The following CTC1 variants were observed in gnomAD, a reference collection of about 807,000 sequenced individuals.
CTC1 encodes the protein CST complex subunit CTC1.
In CTC1, 91 loss-of-function variants were observed where a neutral mutation model predicts 136.3. The ratio of observed to expected loss-of-function variants is 0.67; its 90% CI spans 0.56 to 0.79. CTC1 has a LOEUF of 0.79. Ranked by LOEUF, CTC1 falls within the 30% of genes least tolerant of loss-of-function variation. The probability of loss-of-function intolerance (pLI) is 0.00; values close to 1 mark genes in which losing one functional copy is unlikely to be tolerated. For missense variants in CTC1, 1,432 were observed against 1,498.1 expected, an observed-to-expected ratio of 0.96 and a Z score of 0.73; for synonymous variants, 606 against 613.8, an observed-to-expected ratio of 0.99 and a Z score of 0.19.
chr17:8,231,305 T>C lies in CTC1; in HGVS notation c.2640A>G (p.Glu880=), dbSNP rs1987201199. ...DVLDANKSLP[E]SSLTDLLSDN... ...CACTGAGCAGGTCGGTCAGTGAGGATTCAGGCAATGACTTGTTTGCATCCA... is the reference window on the plus strand; with the variant it reads ...CACTGAGCAGGTCGGTCAGTGAGGACTCAGGCAATGACTTGTTTGCATCCA... Residue 880 remains glutamate, a synonymous_variant, in exon 15 of 23, where the codon GAA becomes GAG. Coordinates refer to ENST00000651323, the MANE Select transcript of CTC1 (RefSeq NM_025099.6). 1 of 1,593,150 alleles carries C rather than the reference T, an allele frequency of 6.3e-7. No homozygotes were observed. Among genetic ancestry groups the C allele is most frequent in the African/African-American group, 1.3e-5 (1 of 74,574 alleles).
At chr17:8,246,886 C>CA (rs1988763846) in intron 1 of CTC1, among the ~76,000 whole-genome samples, 2 of 150,156 alleles carry the variant, frequency 1.3e-5, no homozygotes, top group Admixed American at 1.3e-4. Flanking sequence ...AGCCTGGTGA[C>CA]AAAGCTAGAC....
At chr17:8,232,762 C>T in intron 11 of CTC1, 144 bp downstream of exon 11, 1 of 1,093,632 alleles carries the variant, frequency 9.1e-7, no homozygotes, top group Non-Finnish European at 1.3e-6. Context: ...CTCTGCCTGC[C>T]ATACAAGTCT....
In CTC1 at chr17:8,226,613, A is replaced by C. The variant is rs1455862293; in HGVS notation, c.*1567T>G. ...TATGCTGAAGAAAAAAATATGACGT[A>C]GTCGGCAGGATTCGAACCTGCGCGG... On this transcript the variant is annotated 3_prime_UTR_variant, in exon 23 of 23. Coordinates refer to ENST00000651323, the MANE Select transcript of CTC1 (RefSeq NM_025099.6). 6.6e-6 allele frequency: 1 copy of C among 151,858 alleles called. No homozygotes were observed. The highest frequency in any genetic ancestry group is 1.5e-5 in the Non-Finnish European group (1 of 68,038). The allele number at this position is 151,858 out of a possible 1,614,324, so 9.4% of individuals were successfully genotyped here. A position where few individuals can be genotyped will look rare whatever the true frequency, so the allele number is the denominator to read the frequency against.
At chr17:8,230,700 G>C (rs1360613083) in intron 15 of CTC1, 49 bp from the exon 16 acceptor site, 2 of 1,487,474 alleles carry the variant, frequency 1.3e-6, no homozygotes, top group East Asian at 2.3e-5. Context: ...AGAAAGCACA[G>C]AGTGGAGACA....
rs1467172075 is a variant in CTC1 at position 8,236,147 on chromosome 17, C to A, written c.988G>T (p.Asp330Tyr). Reference protein sequence around the residue: ...LELEGPLLEADPKPLPMPSNS... With the variant: ...LELEGPLLEAYPKPLPMPSNS... ...CTGGGCATGGGGAGTGGCTTGGGGT[C>A]AGCCTCTAAGAGGGGTCCTTCCAGC... Residue 330 changes from aspartate to tyrosine, a missense_variant, in exon 6 of 23, where the codon GAC (aspartate) becomes TAC (tyrosine). Transcript: ENST00000651323. 1.2e-6 allele frequency: 2 copies of A among 1,614,194 alleles called. No homozygotes were observed. Among genetic ancestry groups the A allele is most frequent in the Non-Finnish European group, 1.7e-6 (2 of 1,180,026 alleles).
chr17:8,238,889 G>A (rs1987980336), intron 2 of CTC1, among the ~76,000 whole-genome samples: 1 of 152,026 alleles, frequency 6.6e-6, no homozygotes, highest in Non-Finnish European at 1.5e-5. Context: ...TCAGGAGTTT[G>A]AGACCAGCCC....
chr17:8,244,930 T>C (rs1441739698), intron 1 of CTC1, among the ~76,000 whole-genome samples: 1 of 152,094 alleles, frequency 6.6e-6, no homozygotes, highest in African/African-American at 2.4e-5. Flanking sequence ...ATAAAGAAAA[T>C]GTGGTACATA....
At chr17:8,233,238 C>A (rs529432449) in intron 10 of CTC1, 1 of 562,510 alleles carries the variant, frequency 1.8e-6, no homozygotes, top group Middle Eastern at 4.9e-4. Context: ...GAAGAGAAAG[C>A]GCACAAATAG....
chr17:8,234,078 A>G (rs1187893132), intron 10 of CTC1, among the ~76,000 whole-genome samples: 1 of 152,040 alleles, frequency 6.6e-6, no homozygotes, highest in African/African-American at 2.4e-5. Context: ...TTGATCTCTC[A>G]GGCTCAAGCA....
chr17:8,234,713 G>C, intron 9 of CTC1, 36 bp downstream of exon 9: 1 of 1,582,604 alleles, frequency 6.3e-7, no homozygotes. Flanking sequence ...GTGTCCTCCA[G>C]TGTTCTGCCA....
In CTC1 at chr17:8,238,579, C is replaced by G. The variant is rs78870822; in HGVS notation, c.248G>C (p.Ser83Thr). Reference sequence around the variant, plus strand: ...TGCACTACTGCTCCACGACAGGTGGCTGCAGCATGGGAGACGCTGGTGAGT... The same window carrying G: ...TGCACTACTGCTCCACGACAGGTGGGTGCAGCATGGGAGACGCTGGTGAGT... ...LKTHQRLPCC[S>T]HLSWSSSAYQ... Residue 83 changes from serine (S) to threonine (T), a missense_variant, in exon 3 of 23, where the codon AGC becomes ACC. Coordinates refer to ENST00000651323, the MANE Select transcript of CTC1 (RefSeq NM_025099.6). 12,431 of 1,613,822 alleles carry G rather than the reference C, an allele frequency of 7.7e-3. 92 individuals are homozygous for G. The highest frequency in any genetic ancestry group is 7.8e-3 in the Non-Finnish European group (9,255 of 1,179,796).
Position 8,234,732 on chromosome 17 carries a change from C to T in CTC1, c.1617+17G>A. 1 of 1,580,152 alleles carries T rather than the reference C, an allele frequency of 6.3e-7. No individual in the cohort carries two copies. The highest frequency in any genetic ancestry group is 1.2e-5 in the South Asian group (1 of 86,250). Reference sequence around the variant, plus strand: ...CCTCCAGTGTTCTGCCACCATCCTTCCCCCACATCCTCATACTTTCTGGAG... The same window carrying T: ...CCTCCAGTGTTCTGCCACCATCCTTTCCCCACATCCTCATACTTTCTGGAG... On this transcript the variant is annotated intron_variant, in intron 9 of 22. Transcript: ENST00000651323.
chr17:8,229,956 A>T lies in CTC1; in HGVS notation c.2946T>A (p.Val982=), dbSNP rs532681977. ...LEKRVSRSHN[V]YCCFRSSTYV... ...AAGTGGATGACCGGAAACAACAATA[A>T]ACATTGTGAGATCTGCAAGTGGAAG... The change falls in exon 18 of 23, where the codon GTT becomes GTA. Residue 982 remains valine, a synonymous_variant. Coordinates refer to ENST00000651323, the MANE Select transcript of CTC1 (RefSeq NM_025099.6). The T allele has an allele frequency of 1.1e-5, 17 of 1,614,084 alleles. 1 individual carries two copies. The South Asian group carries it at 1.9e-4, about 18-fold the overall frequency.
At chr17:8,246,977 T>C (rs1228172154) in intron 1 of CTC1, among the ~76,000 whole-genome samples, 1 of 50,498 alleles carries the variant, frequency 2.0e-5, no homozygotes. Context: ...TATTTATTTA[T>C]TTATTTATTT....
intron 2 of CTC1, among the ~76,000 whole-genome samples, chr17:8,242,243 G>A (rs1006325881): frequency 6.6e-6 from 1 of 151,942 alleles, no homozygotes; most frequent in Non-Finnish European, 1.5e-5. Context: ...ATGTTGGGCA[G>A]GCTGACCTCG....
chr17:8,227,138 A>T lies in CTC1; in HGVS notation c.*1042T>A, dbSNP rs974655494. The T allele has an allele frequency of 6.6e-6, 1 of 152,282 alleles. No individual in the cohort carries two copies. Among genetic ancestry groups the T allele is most frequent in the East Asian group, 1.9e-4 (1 of 5,192 alleles). 9.4% of individuals were successfully genotyped at this position (152,282 alleles called of 1,614,324 possible). On this transcript the variant is annotated 3_prime_UTR_variant, in exon 23 of 23. Coordinates refer to ENST00000651323, the MANE Select transcript of CTC1 (RefSeq NM_025099.6). ...ATAAAAGCAGCATAAATCCCAACAT[A>T]TGGGTTTAACCACGCTCTAAAGGTC...
At chr17:8,235,699 GCAAAAGTGCCCCCTAA>G in intron 7 of CTC1, 116 bp downstream of exon 7, 1 of 974,224 alleles carries the variant, frequency 1.0e-6, no homozygotes, top group Non-Finnish European at 1.5e-6. Context: ...GTTATCCTTA[GCAAAAGTGCCCCCTAA>G]CACACACTTT....
chr17:8,227,159 A>C lies in CTC1; in HGVS notation c.*1021T>G, dbSNP rs1261931452. 2.0e-5 allele frequency: 3 copies of C among 152,316 alleles called. No homozygotes were observed. The highest frequency in any genetic ancestry group is 1.9e-4 in the East Asian group (1 of 5,190). The allele number at this position is 152,316 out of a possible 1,614,324, so 9.4% of individuals were successfully genotyped here. A position where few individuals can be genotyped will look rare whatever the true frequency, so the allele number is the denominator to read the frequency against. On this transcript the variant is annotated 3_prime_UTR_variant, in exon 23 of 23. Transcript: ENST00000651323. ...ACATATGGGTTTAACCACGCTCTAAAGGTCTCCCAAACACGAACAAATCCT... is the reference window on the plus strand; with the variant it reads ...ACATATGGGTTTAACCACGCTCTAACGGTCTCCCAAACACGAACAAATCCT...
chr17:8,232,311 G>GC (rs1198206173), intron 12 of CTC1, 50 bp downstream of exon 12: 1 of 1,585,136 alleles, frequency 6.3e-7, no homozygotes, highest in Admixed American at 1.8e-5. Context: ...CTTCCACCAG[G>GC]CCCTTCCTTC....
Sources: allele counts gnomAD v4.1 joint callset (sites outside exome capture counted in the v4.1 genomes callset), GRCh38; gene constraint gnomAD v4.1.1; transcripts MANE v1.5; gene names NCBI Gene and HGNC (gene_info 2026-07-23, HGNC 2026-07-21).